The following ADAMTSL1 variants were observed in gnomAD, a reference collection of about 807,000 sequenced individuals.
The protein encoded by ADAMTSL1 is ADAMTS like 1, also known as ADAMTS-like protein 1.
Under a neutral mutation model 201.8 loss-of-function variants are expected in ADAMTSL1, and 126 were observed. The observed-to-expected ratio is 0.62, with a 90% confidence interval of 0.54 to 0.72. The LOEUF is 0.72. Ranked by LOEUF, ADAMTSL1 falls within the 30% of genes least tolerant of loss-of-function variation. The probability of loss-of-function intolerance (pLI) is 0.00; values close to 1 mark genes in which losing one functional copy is unlikely to be tolerated. For synonymous variants in ADAMTSL1, 1,121 were observed against 903.4 expected, an observed-to-expected ratio of 1.24 and a Z score of -4.32; for missense variants, 2,679 against 2,277.8, an observed-to-expected ratio of 1.18 and a Z score of -3.59.
chr9:18,649,294 T>TC (rs1447871493), intron 7 of ADAMTSL1, among the ~76,000 whole-genome samples: 6 of 149,344 alleles, frequency 4.0e-5, no homozygotes, highest in African/African-American at 1.5e-4. Context: ...TTTGTCTAAA[T>TC]TTTTTTCAAA....
chr9:18,639,867 T>C (rs151309986), intron 7 of ADAMTSL1, among the ~76,000 whole-genome samples: 18 of 152,294 alleles, frequency 1.2e-4, no homozygotes, highest in African/African-American at 4.1e-4. Flanking sequence ...TGTTTCCTTC[T>C]ATCAGAGCTT....
intron 4 of ADAMTSL1, among the ~76,000 whole-genome samples, chr9:18,616,824 CT>C (rs927698198): frequency 6.6e-6 from 1 of 152,050 alleles, no homozygotes; most frequent in Non-Finnish European, 1.5e-5. Flanking sequence ...TGCTATAAAT[CT>C]TTTTATTATT....
At chr9:18,782,959 T>G (rs1015456149) in intron 19 of ADAMTSL1, among the ~76,000 whole-genome samples, 1 of 152,086 alleles carries the variant, frequency 6.6e-6, no homozygotes, top group Non-Finnish European at 1.5e-5. Context: ...AGGGAAGGGG[T>G]TCGGGTTTTA....
chr9:17,913,239 C>G (rs1410226877), intron 1 of ADAMTSL1, among the ~76,000 whole-genome samples: 1 of 151,980 alleles, frequency 6.6e-6, no homozygotes, highest in Non-Finnish European at 1.5e-5. Context: ...GAAGAAAGTC[C>G]TTGGTAGCTT....
chr9:18,723,892 C>T (rs150798749), intron 15 of ADAMTSL1: 2 of 152,290 alleles, frequency 1.3e-5, no homozygotes, highest in South Asian at 2.1e-4. Flanking sequence ...TCAATGTATA[C>T]AGAAAATAAA....
Position 18,662,415 on chromosome 9 carries a change from T to G in ADAMTSL1, c.1085+342T>G, listed in dbSNP as rs140673389. Among the ~76,000 whole-genome samples the G allele has an allele frequency of 4.1e-3, 626 of 152,298 alleles. 7 individuals carry two copies. Among genetic ancestry groups the G allele is most frequent in the African/African-American group, 0.014 (595 of 41,556 alleles). ...GACCACTCAACGTTCTTAACCAATG[T>G]GATGACACAATGTTCTCAGGATTTT... On this transcript the variant is annotated intron_variant, in intron 9 of 28. Transcript: ENST00000380548.
intron 1 of ADAMTSL1, among the ~76,000 whole-genome samples, chr9:17,999,449 T>C (rs937691367): frequency 2.6e-5 from 4 of 152,064 alleles, no homozygotes; most frequent in African/African-American, 7.2e-5. Flanking sequence ...GTAAGACTTT[T>C]GTTGGTCATT....
chr9:18,209,462 A>T (rs993263609), intron 2 of ADAMTSL1, among the ~76,000 whole-genome samples: 2 of 152,242 alleles, frequency 1.3e-5, no homozygotes, highest in East Asian at 3.9e-4. Context: ...AAATATTTAG[A>T]CCATGGAACC....
At position 18,025,553 on chromosome 9, in the gene ADAMTSL1, G is replaced by A. The variant is rs114377277; in HGVS notation, c.87+118631G>A. Among the ~76,000 whole-genome samples, 665 of 152,204 alleles carry A rather than the reference G, an allele frequency of 4.4e-3. 3 individuals are homozygous for A. Among genetic ancestry groups the A allele is most frequent in the African/African-American group, 0.015 (641 of 41,548 alleles). ...ATTTTGCTAACTTTGTCAAAGATCA[G>A]ATGGTTGCAGGTGTGTGGCTTTATT... is the stretch of plus-strand genomic sequence containing the variant. On this transcript the variant is annotated intron_variant, in intron 1 of 29. Coordinates refer to the ADAMTSL1 transcript ENST00000680146.
intron 2 of ADAMTSL1, among the ~76,000 whole-genome samples, chr9:18,244,683 T>C (rs1831191427): frequency 6.6e-6 from 1 of 152,174 alleles, no homozygotes. Flanking sequence ...TGAATCCCTT[T>C]GGTACATTCC....
At chr9:18,839,111 G>A (rs1307915963) in intron 23 of ADAMTSL1, among the ~76,000 whole-genome samples, 1 of 149,546 alleles carries the variant, frequency 6.7e-6, no homozygotes, top group Non-Finnish European at 1.5e-5. Context: ...GTATACATGT[G>A]CCATGCTGGT....
At chr9:18,355,509 C>G (rs553652207) in intron 2 of ADAMTSL1, among the ~76,000 whole-genome samples, 1 of 152,168 alleles carries the variant, frequency 6.6e-6, no homozygotes, top group South Asian at 2.1e-4. Flanking sequence ...TGAGAAGTTT[C>G]TAAAGCCATT....
At chr9:18,649,074 G>T (rs1487087383) in intron 7 of ADAMTSL1, among the ~76,000 whole-genome samples, 4 of 152,128 alleles carry the variant, frequency 2.6e-5, no homozygotes, top group Non-Finnish European at 5.9e-5. Context: ...TTTCTTGGAG[G>T]CTTTGTTCGT....
At position 17,942,115 on chromosome 9, in the gene ADAMTSL1, A is replaced by G. The variant is rs79159088; in HGVS notation, c.87+35193A>G. 3.0e-3 allele frequency among the ~76,000 whole-genome samples: 453 copies of G among 152,244 alleles called. 3 individuals are homozygous for G. Among genetic ancestry groups the G allele is most frequent in the African/African-American group, 0.01 (432 of 41,564 alleles). ...AAGGTATATAATAGGCAAATTCGTT[A>G]GAGACAGAAAGTAGAATAGAAGTTA... On this transcript the variant is annotated intron_variant, in intron 1 of 29. Coordinates refer to the ADAMTSL1 transcript ENST00000680146.
chr9:18,770,636 G>T lies in ADAMTSL1; in HGVS notation c.2252G>T (p.Arg751Leu), dbSNP rs780529314. The part of the protein sequence containing the change: ...SRTCGGGVQK[R>L]EVLCKQRMAD... ...ACGTGTGGCGGGGGTGTTCAGAAAC[G>T]TGAGGTTCTTTGCAAGCAGCGCATG... is the stretch of plus-strand genomic sequence containing the variant. The change falls in exon 17 of 29, where the codon CGT (arginine) becomes CTT (leucine). Residue 751 changes from arginine (R) to leucine (L), a missense_variant. By Grantham distance (102) the Arg-to-Leu change is moderately radical. Transcript: ENST00000380548. The T allele has an allele frequency of 1.2e-6, 2 of 1,613,212 alleles. No individual in the cohort carries two copies. Among genetic ancestry groups the T allele is most frequent in the Non-Finnish European group, 8.5e-7 (1 of 1,179,700 alleles).
intron 2 of ADAMTSL1, among the ~76,000 whole-genome samples, chr9:18,247,055 C>G (rs1435791669): frequency 6.6e-6 from 1 of 151,714 alleles, no homozygotes; most frequent in East Asian, 1.9e-4. Context: ...GTATTGGGGT[C>G]AATAGATTTT....
At chr9:18,061,006 A>C (rs1822427578) in intron 1 of ADAMTSL1, among the ~76,000 whole-genome samples, 1 of 152,140 alleles carries the variant, frequency 6.6e-6, no homozygotes, top group Non-Finnish European at 1.5e-5. Flanking sequence ...CCTGTTACTC[A>C]TGGCAGTTTT....
chr9:18,474,049 A>T (rs1341312740), upstream of ADAMTSL1: 9 of 548,524 alleles, frequency 1.6e-5, no homozygotes, highest in Non-Finnish European at 2.9e-5. Flanking sequence ...TCCGAGAGAG[A>T]TTCCATTCAG....
chr9:18,339,849 C>T (rs1835397098), intron 2 of ADAMTSL1, among the ~76,000 whole-genome samples: 1 of 152,108 alleles, frequency 6.6e-6, no homozygotes, highest in South Asian at 2.1e-4. Context: ...AACCATTCTC[C>T]ATCCATCCAC....
Sources: gnomAD v4.1 joint callset for allele counts (sites outside exome capture counted in the v4.1 genomes callset) on GRCh38, gnomAD v4.1.1 for gene constraint, MANE v1.5 for transcripts, NCBI Gene and HGNC (gene_info 2026-07-23, HGNC 2026-07-21) for gene names.